FABP5: variants seen among roughly 807,000 people sequenced by gnomAD.
FABP5 encodes the protein fatty acid binding protein 5.
A neutral mutation model predicts 16.9 loss-of-function variants in FABP5; 7 were observed. The ratio of observed to expected loss-of-function variants is 0.41; its 90% CI spans 0.24 to 0.78. The LOEUF (loss-of-function observed/expected upper bound fraction) is 0.78. Ranked by LOEUF, FABP5 falls within the 30% of genes least tolerant of loss-of-function variation. The probability of loss-of-function intolerance (pLI) is 0.30; values close to 1 mark genes in which losing one functional copy is unlikely to be tolerated. For synonymous variants in FABP5, 37 were observed against 52.8 expected (o/e 0.70, Z 1.30); for missense variants, 119 against 159.5 (o/e 0.75, Z 1.37).
intron 2 of FABP5, 109 bp downstream of exon 2, chr8:81,283,647 A>T: frequency 7.9e-7 from 1 of 1,259,642 alleles, no homozygotes; most frequent in Non-Finnish European, 1.1e-6. Flanking sequence ...TATTTTATGA[A>T]TTGAATTTTG....
At chr8:81,280,966 G>C in intron 1 of FABP5, 1 of 381,276 alleles carries the variant, frequency 2.6e-6, no homozygotes, top group Non-Finnish European at 4.8e-6. Context: ...TCGCCCAAAC[G>C]GCAGCCCTTC....
chr8:81,282,758 T>C (rs186463326), intron 1 of FABP5, among the ~76,000 whole-genome samples: 3 of 152,320 alleles, frequency 2.0e-5, no homozygotes, highest in East Asian at 1.9e-4. Flanking sequence ...TTTTAAAAGA[T>C]TGTGCTATTT....
chr8:81,280,720 G>T (rs1461571046), intron 1 of FABP5, 46 bp downstream of exon 1: 4 of 1,520,086 alleles, frequency 2.6e-6, no homozygotes, highest in South Asian at 2.4e-5. Context: ...CGTGTTGTGC[G>T]GTCGTCTGTC....
intron 3 of FABP5, chr8:81,284,185 G>A: frequency 3.6e-6 from 2 of 548,264 alleles, no homozygotes; most frequent in Non-Finnish European, 6.4e-6. Flanking sequence ...GGAGTTGGGG[G>A]GAGTTCTTGC....
intron 1 of FABP5, chr8:81,282,930 G>GC (rs1381708071): frequency 6.5e-6 from 1 of 153,582 alleles, no homozygotes; most frequent in Non-Finnish European, 1.4e-5. Context: ...AATTTTGAAT[G>GC]CTTTATCTCC....
chr8:81,283,648 T>A, intron 2 of FABP5, 110 bp downstream of exon 2: 1 of 1,247,094 alleles, frequency 8.0e-7, no homozygotes, highest in South Asian at 1.6e-5. Flanking sequence ...ATTTTATGAA[T>A]TGAATTTTGT....
At chr8:81,280,740 C>T in intron 1 of FABP5, 66 bp downstream of exon 1, 1 of 1,430,900 alleles carries the variant, frequency 7.0e-7, no homozygotes, top group Middle Eastern at 1.7e-4. Flanking sequence ...CCCTAGGTCC[C>T]CGTCAGCGTG....
In FABP5 at chr8:81,283,853, C is replaced by G; in HGVS notation, c.253-20C>G. The G allele has an allele frequency of 6.3e-7, 1 of 1,590,144 alleles. No homozygotes were observed. The highest frequency in any genetic ancestry group is 8.6e-7 in the Non-Finnish European group (1 of 1,163,204). ...TTGTAATGTACTTGGAAGATTAAAA[C>G]GTTTACTTTGTTTTTGCAGACTGTC... is the stretch of plus-strand genomic sequence containing the variant. On this transcript the variant is annotated intron_variant, in intron 2 of 3. Transcript: ENST00000297258.
intron 1 of FABP5, 113 bp from the exon 2 acceptor site, chr8:81,283,253 A>T: frequency 1.1e-6 from 1 of 882,938 alleles, no homozygotes; most frequent in African/African-American, 1.7e-5. Context: ...GTTATCAATA[A>T]GCAAATAAGT....
At chr8:81,282,444 C>G (rs1807846172) in intron 1 of FABP5, among the ~76,000 whole-genome samples, 1 of 152,156 alleles carries the variant, frequency 6.6e-6, no homozygotes, top group Admixed American at 6.5e-5. Context: ...CCAAGGGGAA[C>G]TTTAAAGCCT....
At position 81,281,587 on chromosome 8, in the gene FABP5, T is replaced by C; in HGVS notation, c.79+913T>C. 1.0e-6 allele frequency: 1 copy of C among 985,584 alleles called. No homozygotes were observed. Among genetic ancestry groups the C allele is most frequent in the Non-Finnish European group, 1.2e-6 (1 of 830,068 alleles). The allele number at this position is 985,584 out of a possible 1,614,324, so 61.1% of individuals were successfully genotyped here. On this transcript the variant is annotated intron_variant, in intron 1 of 3. Transcript: ENST00000297258. The surrounding 1 kb of genome is among the most constrained non-coding windows in gnomAD (Gnocchi z 4.5). ...CGTAACAGAAACTGCCTGGCCCTCC[T>C]GCGGCTAACTGCATGCAAGATGGGT...
At position 81,281,399 on chromosome 8, in the gene FABP5, G is replaced by A. The variant is rs1368731466; in HGVS notation, c.79+725G>A. Reference sequence around the variant, plus strand: ...CAGGGCCCCCGAGAAGCGTGGCGCTGGCGGTGCCGACCTGCTGCTGGCACT... The same window carrying A: ...CAGGGCCCCCGAGAAGCGTGGCGCTAGCGGTGCCGACCTGCTGCTGGCACT... On this transcript the variant is annotated intron_variant, in intron 1 of 3. Transcript: ENST00000297258. The surrounding 1 kb of genome is among the most constrained non-coding windows in gnomAD (Gnocchi z 4.5). 1 of 986,042 alleles carries A rather than the reference G, an allele frequency of 1.0e-6. No homozygotes were observed. Among genetic ancestry groups the A allele is most frequent in the East Asian group, 1.1e-4 (1 of 8,814 alleles). The allele number at this position is 986,042 out of a possible 1,614,324, so 61.1% of individuals were successfully genotyped here. A position where few individuals can be genotyped will look rare whatever the true frequency, so the allele number is the denominator to read the frequency against.
At position 81,281,390 on chromosome 8, in the gene FABP5, C is replaced by A; in HGVS notation, c.79+716C>A. ...ATGGAACACCAGGGCCCCCGAGAAGCGTGGCGCTGGCGGTGCCGACCTGCT... is the reference window on the plus strand; with the variant it reads ...ATGGAACACCAGGGCCCCCGAGAAGAGTGGCGCTGGCGGTGCCGACCTGCT... On this transcript the variant is annotated intron_variant, in intron 1 of 3. Coordinates refer to ENST00000297258, the MANE Select transcript of FABP5 (RefSeq NM_001444.3). The surrounding 1 kb of genome is among the most constrained non-coding windows in gnomAD (Gnocchi z 4.5). 1.0e-6 allele frequency: 1 copy of A among 986,068 alleles called. No homozygotes were observed. Among genetic ancestry groups the A allele is most frequent in the Non-Finnish European group, 1.2e-6 (1 of 830,526 alleles). The allele number at this position is 986,068 out of a possible 1,614,324, so 61.1% of individuals were successfully genotyped here.
At chr8:81,284,055 T>A in intron 3 of FABP5, 81 bp downstream of exon 3, 2 of 1,052,482 alleles carry the variant, frequency 1.9e-6, no homozygotes, top group Non-Finnish European at 2.8e-6. Context: ...CATTGATCAT[T>A]AACAGAACTC....
At chr8:81,283,831 T>A in intron 2 of FABP5, 42 bp from the exon 3 acceptor site, 1 of 1,510,762 alleles carries the variant, frequency 6.6e-7, no homozygotes, top group Non-Finnish European at 9.1e-7. Context: ...GAAACTCTTG[T>A]AATGTACTTG....
Position 81,281,071 on chromosome 8 carries a change from C to A in FABP5, c.79+397C>A. 5.6e-6 allele frequency: 1 copy of A among 178,378 alleles called. No homozygotes were observed. The highest frequency in any genetic ancestry group is 1.2e-5 in the Non-Finnish European group (1 of 85,290). The allele number at this position is 178,378 out of a possible 1,614,324, so 11.0% of individuals were successfully genotyped here. On this transcript the variant is annotated intron_variant, in intron 1 of 3. Coordinates refer to ENST00000297258, the MANE Select transcript of FABP5 (RefSeq NM_001444.3). The surrounding 1 kb of genome is among the most constrained non-coding windows in gnomAD (Gnocchi z 4.5). ...GCGACCCTGTATTTCCCTTTTTTCCCCCTTTACTCATCCTTCCCCTTCCTG... is the reference window on the plus strand; with the variant it reads ...GCGACCCTGTATTTCCCTTTTTTCCACCTTTACTCATCCTTCCCCTTCCTG...
rs1307754173 is a variant in FABP5, at chr8:81,284,206, C to T, written c.354+232C>T. ...GGGGGGAGTTCTTGCTTTGCTGCCA[C>T]GTCACAGTGAAATCTTGGCAAGCCA... On this transcript the variant is annotated intron_variant, in intron 3 of 3. Coordinates refer to ENST00000297258, the MANE Select transcript of FABP5 (RefSeq NM_001444.3). The T allele has an allele frequency of 7.4e-6, 4 of 537,346 alleles. No individual in the cohort carries two copies. The East Asian group carries it at 8.7e-5, about 12-fold the overall frequency. 33.3% of individuals were successfully genotyped at this position (537,346 alleles called of 1,614,324 possible).
Position 81,281,450 on chromosome 8 carries a change from G to A in FABP5, c.79+776G>A. On this transcript the variant is annotated intron_variant, in intron 1 of 3. Transcript: ENST00000297258. The surrounding 1 kb of genome is among the most constrained non-coding windows in gnomAD (Gnocchi z 4.5). ...GCCGGGCCGGGGCGCCGCAGTGGGC[G>A]GGTGGCCTGTGGGAGGAGCGCAATG... The A allele has an allele frequency of 1.0e-6, 1 of 986,006 alleles. No individual in the cohort carries two copies. Among genetic ancestry groups the A allele is most frequent in the Non-Finnish European group, 1.2e-6 (1 of 830,478 alleles). 61.1% of individuals were successfully genotyped at this position (986,006 alleles called of 1,614,324 possible).
chr8:81,282,410 C>T (rs1282582450), intron 1 of FABP5, among the ~76,000 whole-genome samples: 1 of 152,066 alleles, frequency 6.6e-6, no homozygotes, highest in Non-Finnish European at 1.5e-5. Context: ...AGGCACCAGC[C>T]CTGAGCTGGC....
Sources: allele counts gnomAD v4.1 joint callset (sites outside exome capture counted in the v4.1 genomes callset), GRCh38; gene constraint gnomAD v4.1.1; non-coding constraint Gnocchi (gnomAD v3.1); transcripts MANE v1.5; gene names NCBI Gene and HGNC (gene_info 2026-07-23, HGNC 2026-07-21).